Variants in REEP1 observed in about 807,000 individuals in gnomAD.
The protein encoded by REEP1 is receptor expression-enhancing protein 1.
REEP1 carries 22 observed loss-of-function variants against 40.3 expected under a neutral mutation model. The observed-to-expected ratio is 0.55, with a 90% CI of 0.39 to 0.78. The LOEUF is 0.78. REEP1 is among the 30% of genes least tolerant of loss of function. The pLI is 0.00. For missense variants in REEP1, 280 were observed against 361.1 expected, an observed-to-expected ratio of 0.78 and a Z score of 1.82; for synonymous variants, 116 against 139.2, an observed-to-expected ratio of 0.83 and a Z score of 1.17.
intron 3 of REEP1, among the ~76,000 whole-genome samples, chr2:86,261,254 G>A (rs868054308): frequency 6.6e-6 from 1 of 152,168 alleles, no homozygotes; most frequent in South Asian, 2.1e-4. Flanking sequence ...GTCTTGACTG[G>A]GCCGGCCTCT....
At chr2:86,246,022 C>T (rs1183326778) in intron 5 of REEP1, among the ~76,000 whole-genome samples, 1 of 152,082 alleles carries the variant, frequency 6.6e-6, no homozygotes, top group African/African-American at 2.4e-5. Context: ...CCTTGGCCTC[C>T]CAAAGTGCTG....
At position 86,329,870 on chromosome 2, in the gene REEP1, C is replaced by T. The variant is rs184355022; in HGVS notation, c.32+7609G>A. On this transcript the variant is annotated intron_variant, in intron 1 of 8. Coordinates refer to ENST00000538924, the MANE Select transcript of REEP1 (RefSeq NM_001371279.1). ...GATGTGGTCTGTAAGGGGATATCAACGCACAGACCACTATAGCACCAGGAA... is the reference window on the plus strand; with the variant it reads ...GATGTGGTCTGTAAGGGGATATCAATGCACAGACCACTATAGCACCAGGAA... Among the ~76,000 whole-genome samples, 18 of 152,230 alleles carry T rather than the reference C, an allele frequency of 1.2e-4. No homozygotes were observed. In the East Asian group the frequency reaches 1.7e-3, roughly 15 times the overall value.
chr2:86,315,325 A>G (rs1679944261), intron 1 of REEP1, among the ~76,000 whole-genome samples: 1 of 152,198 alleles, frequency 6.6e-6, no homozygotes, highest in Non-Finnish European at 1.5e-5. Context: ...TGCTGGCACT[A>G]TGGTGCTCTC....
At chr2:86,226,330 G>A (rs547948850) in intron 7 of REEP1, among the ~76,000 whole-genome samples, 60 of 152,082 alleles carry the variant, frequency 3.9e-4, no homozygotes, top group African/African-American at 1.4e-3. Context: ...GCAGGAACAG[G>A]GCTCCCTTGG....
chr2:86,287,646 G>A (rs527443917), intron 1 of REEP1, among the ~76,000 whole-genome samples: 15 of 152,160 alleles, frequency 9.9e-5, no homozygotes, highest in Non-Finnish European at 1.9e-4. Context: ...TCTAACAGAA[G>A]AATGCTCCTT....
At chr2:86,244,131 CA>C (rs1476079240) in intron 5 of REEP1, among the ~76,000 whole-genome samples, 1 of 152,144 alleles carries the variant, frequency 6.6e-6, no homozygotes, top group Non-Finnish European at 1.5e-5. Context: ...GAAAGCAAAA[CA>C]AAGGCAAGGC....
rs568945805 is a variant in REEP1, at chr2:86,324,857, G to T, written c.32+12622C>A. ...GCGCTCTTTCTGAGAGAGTGCAAAA[G>T]AAAAATCTAGAACAACCTAAACATT... On this transcript the variant is annotated intron_variant, in intron 1 of 8. Transcript: ENST00000538924. Among the ~76,000 whole-genome samples, 8 of 152,230 alleles carry T rather than the reference G, an allele frequency of 5.3e-5. No individual in the cohort carries two copies. In the East Asian group the frequency reaches 1.5e-3, roughly 29 times the overall value.
intron 1 of REEP1, among the ~76,000 whole-genome samples, chr2:86,289,335 A>G (rs1334792821): frequency 6.6e-6 from 1 of 152,180 alleles, no homozygotes; most frequent in Non-Finnish European, 1.5e-5. Flanking sequence ...TCCAATAGGC[A>G]TAGGTATTAT....
chr2:86,238,831 T>C (rs200199793), intron 5 of REEP1, among the ~76,000 whole-genome samples: 1 of 152,162 alleles, frequency 6.6e-6, no homozygotes, highest in East Asian at 1.9e-4. Context: ...TGTTAGTATT[T>C]GTCACCACTG....
intron 1 of REEP1, among the ~76,000 whole-genome samples, chr2:86,323,336 A>C (rs1304397023): frequency 1.3e-5 from 2 of 152,226 alleles, no homozygotes; most frequent in African/African-American, 4.8e-5. Context: ...AATTCTAAAC[A>C]TGTATTATGG....
chr2:86,223,257 CAGGCT>C (rs1674519083), intron 7 of REEP1, among the ~76,000 whole-genome samples: 1 of 152,158 alleles, frequency 6.6e-6, no homozygotes, highest in African/African-American at 2.4e-5. Context: ...GCCAGGGCTG[CAGGCT>C]CCACCTCTTC....
intron 8 of REEP1, among the ~76,000 whole-genome samples, chr2:86,218,256 G>A (rs1214454512): frequency 6.6e-6 from 1 of 152,192 alleles, no homozygotes; most frequent in Non-Finnish European, 1.5e-5. Context: ...TCCCCCAGCA[G>A]AGGACTTTGC....
At chr2:86,308,056 A>T (rs1679585506) in intron 1 of REEP1, among the ~76,000 whole-genome samples, 1 of 152,224 alleles carries the variant, frequency 6.6e-6, no homozygotes, top group Non-Finnish European at 1.5e-5. Flanking sequence ...CCTATCATAC[A>T]GCTCAGAGAA....
intron 5 of REEP1, among the ~76,000 whole-genome samples, chr2:86,235,938 C>A (rs181973276): frequency 1.3e-5 from 2 of 152,134 alleles, no homozygotes; most frequent in Non-Finnish European, 2.9e-5. Context: ...TATGCCTGAC[C>A]GGGCGCGGTG....
At chr2:86,287,319 C>T (rs1416356319) in intron 1 of REEP1, among the ~76,000 whole-genome samples, 1 of 152,140 alleles carries the variant, frequency 6.6e-6, no homozygotes, top group Non-Finnish European at 1.5e-5. Context: ...AACACCTGGC[C>T]TCAAGTGATC....
chr2:86,329,954 C>T (rs1029137160), intron 1 of REEP1, among the ~76,000 whole-genome samples: 32 of 152,112 alleles, frequency 2.1e-4, no homozygotes, highest in Admixed American at 5.9e-4. Flanking sequence ...GGTTAGGGGA[C>T]CTAGGAGAGG....
At chr2:86,308,387 CA>C (rs5832680) in intron 1 of REEP1, among the ~76,000 whole-genome samples, 127,450 of 152,072 alleles carry the variant, frequency 0.84, 53,723 homozygotes, top group East Asian at 0.95. Flanking sequence ...ACTAAAAATA[CA>C]AAAAAAAATT....
At chr2:86,282,862 T>C (rs1179174716) in intron 1 of REEP1, among the ~76,000 whole-genome samples, 1 of 152,150 alleles carries the variant, frequency 6.6e-6, no homozygotes, top group African/African-American at 2.4e-5. Context: ...CAGGGCTGCG[T>C]TGGGTCACTA....
chr2:86,253,815 A>C (rs9677502), intron 4 of REEP1, among the ~76,000 whole-genome samples: 63,743 of 152,150 alleles, frequency 0.42, 14,851 homozygotes, highest in East Asian at 0.66. Flanking sequence ...AACAATAGAC[A>C]TTAATCTGTC....
Sources: allele counts gnomAD v4.1 joint callset (sites outside exome capture counted in the v4.1 genomes callset), GRCh38; gene constraint gnomAD v4.1.1; transcripts MANE v1.5; gene names NCBI Gene and HGNC (gene_info 2026-07-23, HGNC 2026-07-21).